The following CEMIP2 variants were observed in gnomAD, a reference collection of about 807,000 sequenced individuals.
CEMIP2 encodes cell migration inducing hyaluronidase 2.
Under a neutral mutation model 146.9 loss-of-function variants are expected in CEMIP2, and 79 were observed. The observed-to-expected ratio is 0.54, with a 90% CI of 0.45 to 0.65. The LOEUF (loss-of-function observed/expected upper bound fraction) is 0.65. Among genes scored for constraint, CEMIP2 ranks in the 30% least tolerant of loss-of-function variants. The pLI is 0.00. For missense variants in CEMIP2, 1,596 were observed against 1,696.2 expected (o/e 0.94, Z 1.04); for synonymous variants, 601 against 606.3 (o/e 0.99, Z 0.13).
chr9:71,693,787 C>T (rs1822303605), intron 21 of CEMIP2, among the ~76,000 whole-genome samples: 1 of 152,194 alleles, frequency 6.6e-6, no homozygotes, highest in African/African-American at 2.4e-5. Flanking sequence ...TGACGGTGTA[C>T]ACATCTGCTT....
Position 71,745,042 on chromosome 9 carries a change from T to G in CEMIP2, c.1010A>C (p.Glu337Ala), listed in dbSNP as rs149300646. ...CCTGTAGCCCAGTCCTTGGATCAGT[T>G]CACTTCCCAACCGTTCCTGGATCAT... ...IQMIQERLGSELIQGLGYRQA... is the reference protein window; with the variant it reads ...IQMIQERLGSALIQGLGYRQA... Residue 337 changes from glutamate to alanine, a missense_variant, in exon 4 of 24, where the codon GAA (glutamate) becomes GCA (alanine). Transcript: ENST00000377044. 1.8e-5 allele frequency: 29 copies of G among 1,614,082 alleles called. No individual in the cohort carries two copies. The African/African-American group carries it at 3.6e-4, about 20-fold the overall frequency.
chr9:71,765,970 C>T (rs1348136672), intron 1 of CEMIP2, among the ~76,000 whole-genome samples: 1 of 152,136 alleles, frequency 6.6e-6, no homozygotes, highest in Non-Finnish European at 1.5e-5. Context: ...AATGCTCATA[C>T]ATATTTTAGA....
At chr9:71,729,559 C>T (rs1823551047) in intron 10 of CEMIP2, among the ~76,000 whole-genome samples, 1 of 151,292 alleles carries the variant, frequency 6.6e-6, no homozygotes, top group Non-Finnish European at 1.5e-5. Flanking sequence ...GTGGAGCTTG[C>T]AGTGACCAAG....
At chr9:71,748,203 TG>T (rs2132014730) in intron 2 of CEMIP2, among the ~76,000 whole-genome samples, 1 of 152,310 alleles carries the variant, frequency 6.6e-6, no homozygotes, top group East Asian at 1.9e-4. Flanking sequence ...CAGGAGAGCA[TG>T]GTTCATTAGA....
intron 1 of CEMIP2, among the ~76,000 whole-genome samples, chr9:71,759,314 A>C (rs1239497737): frequency 6.6e-6 from 1 of 152,220 alleles, no homozygotes; most frequent in Non-Finnish European, 1.5e-5. Flanking sequence ...TAAAGAAAAA[A>C]AAAATCTTGC....
chr9:71,702,055 C>T lies in CEMIP2; in HGVS notation c.3195-1231G>A, dbSNP rs1437957821. On this transcript the variant is annotated intron_variant, in intron 18 of 23. Transcript: ENST00000377044. ...GGTGGATTACTTGAGTGCATGAGTT[C>T]AAGACCAGCCCGGGCAACATGGCAA... 2.0e-5 allele frequency among the ~76,000 whole-genome samples: 3 copies of T among 151,950 alleles called. No individual in the cohort carries two copies. In the East Asian group the frequency reaches 5.8e-4, roughly 29 times the overall value.
At chr9:71,690,760 T>C (rs182730318) in intron 21 of CEMIP2, among the ~76,000 whole-genome samples, 4 of 152,330 alleles carry the variant, frequency 2.6e-5, no homozygotes, top group African/African-American at 9.6e-5. Context: ...TCCTCTGAGA[T>C]CAAAATGACA....
chr9:71,716,319 C>T (rs1362466601), intron 14 of CEMIP2, among the ~76,000 whole-genome samples, 198 bp downstream of exon 14: 1 of 150,564 alleles, frequency 6.6e-6, no homozygotes, highest in East Asian at 2.0e-4. Context: ...GCTATATTAA[C>T]CTAGTACTTT....
chr9:71,701,107 T>C (rs912235863), intron 18 of CEMIP2, among the ~76,000 whole-genome samples: 5 of 151,836 alleles, frequency 3.3e-5, no homozygotes, highest in Non-Finnish European at 4.4e-5. Flanking sequence ...TTTTGTTTTT[T>C]TGTTGTTGTT....
chr9:71,711,074 A>G (rs1489335874), intron 16 of CEMIP2, among the ~76,000 whole-genome samples: 2 of 152,164 alleles, frequency 1.3e-5, no homozygotes, highest in Non-Finnish European at 2.9e-5. Context: ...GTCTTGTGCC[A>G]TTGCCACCAT....
chr9:71,749,096 ATCT>A (rs1824172538), intron 2 of CEMIP2, among the ~76,000 whole-genome samples: 1 of 152,220 alleles, frequency 6.6e-6, no homozygotes, highest in Non-Finnish European at 1.5e-5. Context: ...ACTTGCAACC[ATCT>A]TCTTCAAAAC....
chr9:71,763,673 G>A (rs561869978), intron 1 of CEMIP2, among the ~76,000 whole-genome samples: 10 of 152,150 alleles, frequency 6.6e-5, no homozygotes, highest in East Asian at 1.9e-4. Flanking sequence ...ACTTTTCACC[G>A]TGTAAAGAAA....
intron 19 of CEMIP2, chr9:71,699,295 C>A: frequency 6.2e-6 from 2 of 321,384 alleles, no homozygotes; most frequent in South Asian, 2.4e-5. Context: ...TAAGTCTAAA[C>A]AAAAATTGAA....
rs960605653 is a variant in CEMIP2, at chr9:71,718,866, C to T, written c.2268-787G>A. Among the ~76,000 whole-genome samples the T allele has an allele frequency of 4.6e-5, 7 of 152,026 alleles. No homozygotes were observed. The South Asian group carries it at 8.3e-4, about 18-fold the overall frequency. On this transcript the variant is annotated intron_variant, in intron 12 of 23. Coordinates refer to ENST00000377044, the MANE Select transcript of CEMIP2 (RefSeq NM_013390.3). ...TGCTGAGATTATAAGTGTGAGCCAC[C>T]GCACCCAGCCAGACTGTATTTAATT... is the stretch of plus-strand genomic sequence containing the variant.
intron 1 of CEMIP2, among the ~76,000 whole-genome samples, chr9:71,751,217 A>G (rs980837620): frequency 6.6e-6 from 1 of 152,214 alleles, no homozygotes; most frequent in South Asian, 2.1e-4. Flanking sequence ...TCATCATCCC[A>G]AACAAAAACT....
At chr9:71,710,266 A>G (rs1822868730) in intron 16 of CEMIP2, among the ~76,000 whole-genome samples, 1 of 152,198 alleles carries the variant, frequency 6.6e-6, no homozygotes, top group African/African-American at 2.4e-5. Context: ...TATTAGCAGT[A>G]AATTATATAA....
chr9:71,728,018 G>A (rs1009355761), intron 10 of CEMIP2, among the ~76,000 whole-genome samples: 18 of 150,794 alleles, frequency 1.2e-4, no homozygotes, highest in Admixed American at 2.0e-4. Context: ...CCAACATTGC[G>A]CCACTGCACT....
chr9:71,745,084 A>G lies in CEMIP2; in HGVS notation c.968T>C (p.Leu323Ser), dbSNP rs763703924. 1 of 1,614,132 alleles carries G rather than the reference A, an allele frequency of 6.2e-7. No individual in the cohort carries two copies. The highest frequency in any genetic ancestry group is 1.1e-5 in the South Asian group (1 of 91,084). ...AVGDSAAKSL[L>S]QGTIQMIQER... is the part of the protein sequence containing the mutation. Reference sequence around the variant, plus strand: ...CTGGATCATCTGGATGGTTCCTTGTAAGAGACTTTTAGCGGCTGAATCCCC... The same window carrying G: ...CTGGATCATCTGGATGGTTCCTTGTGAGAGACTTTTAGCGGCTGAATCCCC... The change falls in exon 4 of 24, where the codon TTA becomes TCA. Residue 323 changes from leucine (L) to serine (S), a missense_variant. Transcript: ENST00000377044.
chr9:71,759,790 A>C (rs1244190168), intron 1 of CEMIP2, among the ~76,000 whole-genome samples: 1 of 113,316 alleles, frequency 8.8e-6, no homozygotes, highest in Non-Finnish European at 1.6e-5. Context: ...GGAAAGAAGC[A>C]GGGATAATTG....
Sources: allele counts gnomAD v4.1 joint callset (sites outside exome capture counted in the v4.1 genomes callset), GRCh38; gene constraint gnomAD v4.1.1; transcripts MANE v1.5; gene names NCBI Gene and HGNC (gene_info 2026-07-23, HGNC 2026-07-21).